Variants in BEND3 observed in about 807,000 individuals in gnomAD.
The protein encoded by BEND3 is BEN domain-containing protein 3.
In BEND3, 13 loss-of-function variants were observed where a neutral mutation model predicts 60.1. The ratio of observed to expected loss-of-function variants is 0.22; its 90% CI spans 0.14 to 0.34. The LOEUF (loss-of-function observed/expected upper bound fraction) is 0.34. BEND3 is among the 10% of genes least tolerant of loss of function. BEND3 has a pLI of 1.00. For missense variants in BEND3, 896 were observed against 1,138.1 expected, an observed-to-expected ratio of 0.79 and a Z score of 3.06; for synonymous variants, 497 against 491.5, an observed-to-expected ratio of 1.01 and a Z score of -0.15.
chr6:107,071,010 A>G (rs1774968904), intron 3 of BEND3, 60 bp from the exon 4 acceptor site: 6 of 1,488,994 alleles, frequency 4.0e-6, no homozygotes, highest in Non-Finnish European at 5.4e-6. Context: ...ATGACACTAA[A>G]CAAGGGTCTG....
Position 107,103,818 on chromosome 6 carries a change from C to T in BEND3, c.-11-4522G>A, listed in dbSNP as rs182297537. On this transcript the variant is annotated intron_variant, in intron 1 of 3. Transcript: ENST00000369042. ...ACAAAATTAGCTGGGCATGGTGGCGCGTGCCTGTAATCCCAGCTACTCAGG... is the reference window on the plus strand; with the variant it reads ...ACAAAATTAGCTGGGCATGGTGGCGTGTGCCTGTAATCCCAGCTACTCAGG... Among the ~76,000 whole-genome samples the T allele has an allele frequency of 2.5e-3, 382 of 151,922 alleles. 1 individual carries two copies. Among genetic ancestry groups the T allele is most frequent in the Non-Finnish European group, 4.3e-3 (290 of 67,948 alleles).
At chr6:107,077,233 A>G (rs1775118973) in intron 3 of BEND3, among the ~76,000 whole-genome samples, 1 of 152,144 alleles carries the variant, frequency 6.6e-6, no homozygotes, top group African/African-American at 2.4e-5. Context: ...GGCTTCCCAA[A>G]GTGTTGGAAT....
chr6:107,071,052 G>C, intron 3 of BEND3, 102 bp from the exon 4 acceptor site: 2 of 1,130,570 alleles, frequency 1.8e-6, no homozygotes, highest in South Asian at 3.3e-5. Flanking sequence ...TCAACCTTGG[G>C]AGCATGTAAG....
chr6:107,069,966 C>G lies in BEND3; in HGVS notation c.1225G>C (p.Glu409Gln). ...EFLDEASSPG[E>Q]FAVFLLHRLF... ...CGGTGGAGGAGGAAGACGGCAAACT[C>G]GCCTGGTGAGGAGGCTTCGTCCAGG... The change falls in exon 4 of 4, where the codon GAG (glutamate) becomes CAG (glutamine). Residue 409 changes from glutamate (E) to glutamine (Q), a missense_variant. Glu to Gln is a conservative substitution (Grantham distance 29). Coordinates refer to ENST00000369042, the MANE Select transcript of BEND3 (RefSeq NM_001367314.1). 6.2e-7 allele frequency: 1 copy of G among 1,613,826 alleles called. No homozygotes were observed. Among genetic ancestry groups the G allele is most frequent in the Non-Finnish European group, 8.5e-7 (1 of 1,180,022 alleles).
At chr6:107,113,763 A>C (rs569782917) in intron 1 of BEND3, 4 of 148,866 alleles carry the variant, frequency 2.7e-5, no homozygotes, top group African/African-American at 7.4e-5. Context: ...TGAATGGTTT[A>C]AAAAAAAAAG....
chr6:107,114,997 G>C (rs1313500709), intron 1 of BEND3, 93 bp downstream of exon 1: 31 of 147,212 alleles, frequency 2.1e-4, no homozygotes, highest in African/African-American at 4.9e-5. Context: ...CCCCACCCCG[G>C]CATGGATGTT....
In BEND3 at chr6:107,065,476, A is replaced by C. The variant is rs1452942822; in HGVS notation, c.*3228T>G. 8 of 152,422 alleles carry C rather than the reference A, an allele frequency of 5.2e-5. No homozygotes were observed. The highest frequency in any genetic ancestry group is 1.9e-4 in the African/African-American group (8 of 41,426). 9.4% of individuals were successfully genotyped at this position (152,422 alleles called of 1,614,324 possible). On this transcript the variant is annotated 3_prime_UTR_variant, in exon 4 of 4. Transcript: ENST00000369042. ...GAAAAACATTAAGGCTGGATCTACG[A>C]GAGGCAAGTATTTCCCAACAGCAGT...
At chr6:107,076,309 C>T (rs554545560) in intron 3 of BEND3, among the ~76,000 whole-genome samples, 5 of 152,300 alleles carry the variant, frequency 3.3e-5, no homozygotes, top group African/African-American at 1.2e-4. Context: ...ATTCCCAATT[C>T]TCTGAGGCTC....
rs148487400 is a variant in BEND3 at position 107,109,315 on chromosome 6, G to A, written c.-12+5775C>T. Among the ~76,000 whole-genome samples, 158 of 151,092 alleles carry A rather than the reference G, an allele frequency of 1.0e-3. 2 individuals carry two copies. The East Asian group carries it at 0.016, about 15-fold the overall frequency. On this transcript the variant is annotated intron_variant, in intron 1 of 3. Coordinates refer to ENST00000369042, the MANE Select transcript of BEND3 (RefSeq NM_001367314.1). Reference sequence around the variant, plus strand: ...AAAAATTAGCTGGGTATGGTGGCACGGGCCTGTAATCCCAGCTATTTAGGA... The same window carrying A: ...AAAAATTAGCTGGGTATGGTGGCACAGGCCTGTAATCCCAGCTATTTAGGA...
At chr6:107,103,084 C>A (rs1554236903) in intron 1 of BEND3, among the ~76,000 whole-genome samples, 1 of 152,206 alleles carries the variant, frequency 6.6e-6, no homozygotes, top group Non-Finnish European at 1.5e-5. Flanking sequence ...ACCACATCTC[C>A]TTCTGCCTCC....
chr6:107,077,286 T>A (rs184467089), intron 3 of BEND3, among the ~76,000 whole-genome samples: 30 of 152,214 alleles, frequency 2.0e-4, no homozygotes, highest in South Asian at 4.1e-4. Flanking sequence ...AATTTTTTTT[T>A]AAATTAAATC....
At chr6:107,084,444 G>A (rs1775298026) in intron 3 of BEND3, among the ~76,000 whole-genome samples, 1 of 151,820 alleles carries the variant, frequency 6.6e-6, no homozygotes, top group African/African-American at 2.4e-5. Flanking sequence ...TCTAGCTAAA[G>A]GACTATAAAT....
intron 3 of BEND3, among the ~76,000 whole-genome samples, chr6:107,087,069 G>GGCC (rs1775366998): frequency 6.6e-6 from 1 of 150,476 alleles, no homozygotes; most frequent in South Asian, 2.1e-4. Context: ...TACAAGCCTG[G>GGCC]GCCGGTAATC....
At position 107,069,589 on chromosome 6, in the gene BEND3, G is replaced by A. The variant is rs369273225; in HGVS notation, c.1602C>T (p.Ile534=). ...GGGGGATCTCTAACTTGTCGAAGTC[G>A]ATGGGCACCAGCCAGATCTTCTTGG... ...RRSKKIWLVP[I]DFDKLEIPQP... is the part of the protein sequence containing the mutation. Residue 534 remains isoleucine, a synonymous_variant, in exon 4 of 4, where the codon ATC becomes ATT. Transcript: ENST00000369042. The A allele has an allele frequency of 5.0e-6, 8 of 1,612,728 alleles. No individual in the cohort carries two copies. The East Asian group carries it at 8.9e-5, about 18-fold the overall frequency.
intron 1 of BEND3, among the ~76,000 whole-genome samples, chr6:107,104,326 A>G (rs1368309745): frequency 1.3e-5 from 2 of 152,086 alleles, no homozygotes; most frequent in East Asian, 3.9e-4. Context: ...CCACATCACA[A>G]AGAGATAGGC....
chr6:107,101,672 G>C (rs1554236760), intron 1 of BEND3, among the ~76,000 whole-genome samples: 3 of 152,154 alleles, frequency 2.0e-5, no homozygotes, highest in Non-Finnish European at 4.4e-5. Context: ...TCAAATTTTA[G>C]CAACTCCTTC....
In BEND3 at chr6:107,066,652, T is replaced by C. The variant is rs782483400; in HGVS notation, c.*2052A>G. The C allele has an allele frequency of 1.3e-5, 2 of 152,596 alleles. No individual in the cohort carries two copies. The highest frequency in any genetic ancestry group is 2.4e-5 in the African/African-American group (1 of 41,438). The allele number at this position is 152,596 out of a possible 1,614,324, so 9.5% of individuals were successfully genotyped here. A position where few individuals can be genotyped will look rare whatever the true frequency, so the allele number is the denominator to read the frequency against. On this transcript the variant is annotated 3_prime_UTR_variant, in exon 4 of 4. Transcript: ENST00000369042. ...CAATTCATGGCTTGGAGTCCTCGTT[T>C]ACATCCTAGAAACCAGAACAAATTC...
chr6:107,071,033 AGG>A, intron 3 of BEND3, 83 bp from the exon 4 acceptor site: 3 of 1,341,414 alleles, frequency 2.2e-6, no homozygotes, highest in African/African-American at 1.5e-5. Context: ...TAGCACACAG[AGG>A]CCGAGGTCAA....
chr6:107,065,776 T>C lies in BEND3; in HGVS notation c.*2928A>G, dbSNP rs1774814362. 6.6e-6 allele frequency: 1 copy of C among 152,210 alleles called. No homozygotes were observed. The highest frequency in any genetic ancestry group is 2.4e-5 in the African/African-American group (1 of 41,450). The allele number at this position is 152,210 out of a possible 1,614,324, so 9.4% of individuals were successfully genotyped here. On this transcript the variant is annotated 3_prime_UTR_variant, in exon 4 of 4. Coordinates refer to ENST00000369042, the MANE Select transcript of BEND3 (RefSeq NM_001367314.1). ...TCCCATTGGTTGGTTGGTTGATGATTGCTGCTGATGTGGTTCCCCACTCCC... is the reference window on the plus strand; with the variant it reads ...TCCCATTGGTTGGTTGGTTGATGATCGCTGCTGATGTGGTTCCCCACTCCC...
Sources: gnomAD v4.1 joint callset for allele counts (sites outside exome capture counted in the v4.1 genomes callset) on GRCh38, gnomAD v4.1.1 for gene constraint, MANE v1.5 for transcripts, NCBI Gene and HGNC (gene_info 2026-07-23, HGNC 2026-07-21) for gene names.